Variants in SUDS3 observed in about 807,000 individuals in gnomAD.
SUDS3 encodes sin3 histone deacetylase corepressor complex component SDS3.
In SUDS3, 23 loss-of-function variants were observed where a neutral mutation model predicts 53.5. The observed-to-expected ratio is 0.43, with a 90% CI of 0.31 to 0.61. The LOEUF is 0.61. SUDS3 is among the 20% of genes least tolerant of loss of function. SUDS3 has a pLI of 0.10. For missense variants in SUDS3, 291 were observed against 405.9 expected, an observed-to-expected ratio of 0.72 and a Z score of 2.43; for synonymous variants, 150 against 148.5, an observed-to-expected ratio of 1.01 and a Z score of -0.08.
chr12:118,391,009 G>A, intron 5 of SUDS3, 117 bp from the exon 6 acceptor site: 1 of 1,121,558 alleles, frequency 8.9e-7, no homozygotes, highest in Admixed American at 1.8e-5. Flanking sequence ...GTTACTGCAA[G>A]TGTGTGTGAG....
At chr12:118,406,753 A>G (rs1056634149) in intron 10 of SUDS3, among the ~76,000 whole-genome samples, 8 of 151,762 alleles carry the variant, frequency 5.3e-5, no homozygotes, top group Non-Finnish European at 1.2e-4. Context: ...GTTGCTTCGT[A>G]GCACATTTTA....
intron 2 of SUDS3, 114 bp downstream of exon 2, chr12:118,380,345 T>C (rs2046045393): frequency 3.4e-6 from 3 of 890,486 alleles, no homozygotes; most frequent in Non-Finnish European, 5.1e-6. Context: ...ACTTCCTGAG[T>C]GCCAGCATGA....
intron 11 of SUDS3, among the ~76,000 whole-genome samples, chr12:118,412,644 G>C (rs968008761): frequency 1.3e-5 from 2 of 152,192 alleles, no homozygotes; most frequent in Non-Finnish European, 2.9e-5. Flanking sequence ...TGTCTGGGTT[G>C]TTCCACAAGC....
At position 118,410,580 on chromosome 12, in the gene SUDS3, T is replaced by TTTATTTATTTTATTTA. The variant is rs1491473858; in HGVS notation, c.804-491_804-490insATTTATTTTATTTATT. On this transcript the variant is annotated intron_variant, in intron 10 of 11. Transcript: ENST00000543473. ...CTTTATTTATTTATTTATTTATTTATTTTATTTATTTATTTATTTATTTAT... is the reference window on the plus strand; with the variant it reads ...CTTTATTTATTTATTTATTTATTTATTTATTTATTTTATTTATTTATTTATTTATTTATTTATTTAT... Among the ~76,000 whole-genome samples, 13 of 133,612 alleles carry TTTATTTATTTTATTTA rather than the reference T, an allele frequency of 9.7e-5. No individual in the cohort carries two copies. The South Asian group carries it at 1.3e-3, about 13-fold the overall frequency. The allele number at this position is 133,612 out of a possible 152,430, so 87.7% of individuals were successfully genotyped here.
chr12:118,382,071 ACT>A (rs1434457379), intron 2 of SUDS3, among the ~76,000 whole-genome samples: 1 of 148,136 alleles, frequency 6.8e-6, no homozygotes, highest in East Asian at 2.0e-4. Context: ...ACAGAGTCTC[ACT>A]CTGTCACCCA....
chr12:118,398,614 C>CTTTTT (rs375288763), intron 6 of SUDS3, among the ~76,000 whole-genome samples: 1 of 113,298 alleles, frequency 8.8e-6, no homozygotes, highest in East Asian at 2.6e-4. Context: ...ATGCAGAAGC[C>CTTTTT]TTTTTTTTTT....
intron 7 of SUDS3, among the ~76,000 whole-genome samples, chr12:118,401,096 A>T (rs914356051): frequency 6.6e-6 from 1 of 152,224 alleles, no homozygotes; most frequent in Non-Finnish European, 1.5e-5. Context: ...TCCACCTTCC[A>T]ACTGTAAAAT....
chr12:118,411,787 C>T (rs575530319), intron 11 of SUDS3, among the ~76,000 whole-genome samples: 2 of 152,238 alleles, frequency 1.3e-5, no homozygotes, highest in African/African-American at 4.8e-5. Context: ...AGGCGTGAGC[C>T]ACCACACCTG....
chr12:118,384,788 T>C (rs1177157930), intron 3 of SUDS3, among the ~76,000 whole-genome samples: 2 of 150,594 alleles, frequency 1.3e-5, no homozygotes, highest in African/African-American at 4.9e-5. Context: ...GCCAAGATCG[T>C]GCCACTGCAC....
At position 118,416,324 on chromosome 12, in the gene SUDS3, T is replaced by C. The variant is rs920574377; in HGVS notation, c.*1891T>C. 6.6e-6 allele frequency: 1 copy of C among 152,196 alleles called. No individual in the cohort carries two copies. Among genetic ancestry groups the C allele is most frequent in the Non-Finnish European group, 1.5e-5 (1 of 68,030 alleles). The allele number at this position is 152,196 out of a possible 1,614,324, so 9.4% of individuals were successfully genotyped here. On this transcript the variant is annotated 3_prime_UTR_variant, in exon 12 of 12. Coordinates refer to ENST00000543473, the MANE Select transcript of SUDS3 (RefSeq NM_022491.3). ...CAAAGTTTGTTTTTATAGTTGAGGA[T>C]TGTATTGATAACCACTGGGGTTCCG...
intron 2 of SUDS3, among the ~76,000 whole-genome samples, chr12:118,382,976 T>TA (rs1440938643): frequency 6.6e-6 from 1 of 152,150 alleles, no homozygotes; most frequent in Non-Finnish European, 1.5e-5. Context: ...CCTCCCTTAG[T>TA]ATTTGATGAT....
chr12:118,397,528 T>C (rs1039397802), intron 6 of SUDS3, among the ~76,000 whole-genome samples: 2 of 152,130 alleles, frequency 1.3e-5, no homozygotes, highest in Non-Finnish European at 2.9e-5. Flanking sequence ...CTGTGATACA[T>C]GTTGATCATG....
At chr12:118,399,960 G>A (rs1326823290) in intron 6 of SUDS3, among the ~76,000 whole-genome samples, 1 of 152,104 alleles carries the variant, frequency 6.6e-6, no homozygotes, top group Non-Finnish European at 1.5e-5. Context: ...AGTATTCAGG[G>A]AGCAGACAAG....
intron 6 of SUDS3, among the ~76,000 whole-genome samples, chr12:118,398,978 G>A (rs1397189492): frequency 6.6e-6 from 1 of 152,148 alleles, no homozygotes; most frequent in Non-Finnish European, 1.5e-5. Context: ...AAGGGAGAGG[G>A]TATTAAACTG....
chr12:118,390,194 G>A (rs1031841742), intron 5 of SUDS3, among the ~76,000 whole-genome samples: 7 of 152,302 alleles, frequency 4.6e-5, no homozygotes, highest in African/African-American at 1.4e-4. Context: ...CTTCTATCCC[G>A]TGTTAGAGCT....
At chr12:118,399,061 G>A (rs1350804003) in intron 6 of SUDS3, among the ~76,000 whole-genome samples, 1 of 152,182 alleles carries the variant, frequency 6.6e-6, no homozygotes, top group Non-Finnish European at 1.5e-5. Flanking sequence ...GCCATGCAAA[G>A]GCTTGAAGGC....
At chr12:118,413,784 T>C (rs1279122385) in intron 11 of SUDS3, among the ~76,000 whole-genome samples, 2 of 152,218 alleles carry the variant, frequency 1.3e-5, no homozygotes, top group African/African-American at 2.4e-5. Context: ...CTCTCGGAAG[T>C]GCTTCAACCT....
Position 118,411,205 on chromosome 12 carries a change from G to A in SUDS3, c.888+48G>A, listed in dbSNP as rs1566211779. 11 of 1,526,248 alleles carry A rather than the reference G, an allele frequency of 7.2e-6. No homozygotes were observed. In the South Asian group the frequency reaches 8.4e-5, roughly 12 times the overall value. The allele number at this position is 1,526,248 out of a possible 1,614,324, so 94.5% of individuals were successfully genotyped here. A position where few individuals can be genotyped will look rare whatever the true frequency, so the allele number is the denominator to read the frequency against. On this transcript the variant is annotated intron_variant, in intron 11 of 11. Transcript: ENST00000543473. ...TTTAGGGAAGCAAAATGTGTACTGC[G>A]AAGTGTTGGTAGGGCAAACCTGAAA...
intron 3 of SUDS3, among the ~76,000 whole-genome samples, chr12:118,384,647 A>G (rs979522365): frequency 6.6e-6 from 1 of 152,182 alleles, no homozygotes; most frequent in Admixed American, 6.5e-5. Flanking sequence ...CTTGGCTAAC[A>G]TGGTGAAACC....
Sources: allele counts gnomAD v4.1 joint callset (sites outside exome capture counted in the v4.1 genomes callset), GRCh38; gene constraint gnomAD v4.1.1; transcripts MANE v1.5; gene names NCBI Gene and HGNC (gene_info 2026-07-23, HGNC 2026-07-21).